The following CATSPERG variants were observed in gnomAD, a reference collection of about 807,000 sequenced individuals.
CATSPERG encodes catsper channel auxiliary subunit gamma, also known as cation channel sperm-associated auxiliary subunit gamma.
A neutral mutation model predicts 145.0 loss-of-function variants in CATSPERG; 115 were observed. The observed-to-expected ratio is 0.79, with a 90% CI of 0.68 to 0.93. CATSPERG has a LOEUF of 0.93. Ranked by LOEUF, CATSPERG falls within the 40% of genes least tolerant of loss-of-function variation. CATSPERG has a pLI of 0.00. For synonymous variants in CATSPERG, 588 were observed against 589.0 expected, an observed-to-expected ratio of 1.00 and a Z score of 0.02; for missense variants, 1,296 against 1,490.1, an observed-to-expected ratio of 0.87 and a Z score of 2.14.
intron 10 of CATSPERG, 66 bp downstream of exon 10, chr19:38,356,609 G>A: frequency 1.3e-6 from 2 of 1,596,836 alleles, no homozygotes; most frequent in South Asian, 2.2e-5. Context: ...AAGAGCAGGG[G>A]AGGGTGGCAG....
At chr19:38,369,698 T>C (rs1970513024) in intron 26 of CATSPERG, 1 of 505,112 alleles carries the variant, frequency 2.0e-6, no homozygotes, top group Admixed American at 3.3e-5. Flanking sequence ...TGGCATATGA[T>C]AGATACACAG....
chr19:38,365,436 A>G (rs1407836472), intron 22 of CATSPERG: 1 of 279,828 alleles, frequency 3.6e-6, no homozygotes, highest in Non-Finnish European at 6.9e-6. Flanking sequence ...ACGGCTGGCT[A>G]ATTTTTTGTA....
At chr19:38,337,135 T>G in intron 1 of CATSPERG, 86 bp from the exon 2 acceptor site, 1 of 1,469,584 alleles carries the variant, frequency 6.8e-7, no homozygotes, top group Non-Finnish European at 9.1e-7. Context: ...GCAAGTGCTG[T>G]GAGAGGCGCA....
At position 38,360,445 on chromosome 19, in the gene CATSPERG, C is replaced by T. The variant is rs748090959; in HGVS notation, c.1609-44C>T. ...CAGAGGGTGAGGTGGGATCAGAGGA[C>T]CCCATGGTCCTGACACACACACATC... On this transcript the variant is annotated intron_variant, in intron 14 of 28. Transcript: ENST00000409235. The T allele has an allele frequency of 9.9e-6, 16 of 1,609,506 alleles. No homozygotes were observed. The Admixed American group carries it at 2.7e-4, about 27-fold the overall frequency.
rs542731827 is a variant in CATSPERG, at chr19:38,370,487, T to C, written c.3214-39T>C. 1.9e-6 allele frequency: 3 copies of C among 1,613,200 alleles called. No individual in the cohort carries two copies. The South Asian group carries it at 3.3e-5, about 18-fold the overall frequency. On this transcript the variant is annotated intron_variant, in intron 28 of 28. Transcript: ENST00000409235. Reference sequence around the variant, plus strand: ...TGCAGATTGTGGACTGTGTACCTTATCATGTGCCAACTCCTTACTCATTCT... The same window carrying C: ...TGCAGATTGTGGACTGTGTACCTTACCATGTGCCAACTCCTTACTCATTCT...
intron 26 of CATSPERG, 150 bp downstream of exon 26, chr19:38,368,287 G>A (rs1457274778): frequency 1.5e-6 from 1 of 685,418 alleles, no homozygotes; most frequent in Non-Finnish European, 2.5e-6. Context: ...TGCACAAGCT[G>A]AAGTCTCTGC....
intron 7 of CATSPERG, among the ~76,000 whole-genome samples, chr19:38,351,607 C>CA (rs769452553): frequency 0.053 from 5,836 of 110,364 alleles, 154 homozygotes; most frequent in South Asian, 0.09. Context: ...GACTCCGCCT[C>CA]AAAAAAAAAA....
chr19:38,344,201 T>C, intron 5 of CATSPERG, 82 bp downstream of exon 5: 1 of 1,543,234 alleles, frequency 6.5e-7, no homozygotes, highest in Non-Finnish European at 8.8e-7. Flanking sequence ...CAGTGGGAGA[T>C]CCAAGGGAGA....
Position 38,358,279 on chromosome 19 carries a change from T to A in CATSPERG, c.1317T>A (p.Ala439=). 6.2e-7 allele frequency: 1 copy of A among 1,614,170 alleles called. No homozygotes were observed. The highest frequency in any genetic ancestry group is 2.2e-5 in the East Asian group (1 of 44,880). The change falls in exon 12 of 29, where the codon GCT becomes GCA. Residue 439 remains alanine, a splice_region_variant and synonymous_variant. Coordinates refer to ENST00000409235, the MANE Select transcript of CATSPERG (RefSeq NM_021185.5). The part of the protein sequence containing the change: ...KRFQVVSYNT[A]SDDLELLYHI... Reference sequence around the variant, plus strand: ...TTGCTGTGTTCTCCCCACCTGTAGCTAGTGATGACCTGGAACTTCTCTACC... The same window carrying A: ...TTGCTGTGTTCTCCCCACCTGTAGCAAGTGATGACCTGGAACTTCTCTACC...
At chr19:38,358,738 G>A (rs1970292086) in intron 13 of CATSPERG, among the ~76,000 whole-genome samples, 177 bp downstream of exon 13, 4 of 152,228 alleles carry the variant, frequency 2.6e-5, no homozygotes, top group Admixed American at 2.6e-4. Context: ...TCAGTGCTGG[G>A]ATGGGGGAAG....
rs1052375 is a variant in CATSPERG, at chr19:38,370,693, G to A, written c.3381G>A (p.Pro1127=). The A allele has an allele frequency of 0.47, 762,707 of 1,613,622 alleles. 191,108 individuals carry two copies. The highest frequency in any genetic ancestry group is 0.57 in the Middle Eastern group (3,449 of 6,062). The change falls in exon 29 of 29, where the codon CCG becomes CCA. Residue 1127 remains proline, a synonymous_variant. Coordinates refer to ENST00000409235, the MANE Select transcript of CATSPERG (RefSeq NM_021185.5). ...YASISGISSM[P]SLRHSRMGSM... ...CCATTTCCGGAATCTCGAGCATGCC[G>A]TCTCTGAGACATTCCAGGATGGGCT...
chr19:38,366,273 C>T (rs966986483), intron 22 of CATSPERG: 1 of 152,384 alleles, frequency 6.6e-6, no homozygotes, highest in Non-Finnish European at 1.5e-5. Context: ...TCCCTACCCA[C>T]TCCCTGGCAT....
intron 3 of CATSPERG, among the ~76,000 whole-genome samples, chr19:38,343,084 C>A (rs774298599): frequency 3.9e-5 from 6 of 152,246 alleles, no homozygotes; most frequent in Admixed American, 1.3e-4. Flanking sequence ...ATGGCTCACG[C>A]CTTTAATGCC....
rs779910040 is a variant in CATSPERG, at chr19:38,365,114, G to A, written c.2610G>A (p.Met870Ile). 1 of 1,613,544 alleles carries A rather than the reference G, an allele frequency of 6.2e-7. No homozygotes were observed. The highest frequency in any genetic ancestry group is 8.5e-7 in the Non-Finnish European group (1 of 1,179,994). ...AGGAAACACACCTGGGGCCCCATAT[G>A]CAAGTATTGGAGCTTGGGATACTGG... ...CFQETHLGPH[M>I]QGNLMVPVFI... The change falls in exon 22 of 29, where the codon ATG becomes ATA. Residue 870 changes from methionine to isoleucine, a missense_variant. Coordinates refer to ENST00000409235, the MANE Select transcript of CATSPERG (RefSeq NM_021185.5).
chr19:38,369,201 GA>G (rs1416020607), intron 26 of CATSPERG, among the ~76,000 whole-genome samples: 1 of 152,172 alleles, frequency 6.6e-6, no homozygotes, highest in East Asian at 1.9e-4. Context: ...ATGAGCAAAT[GA>G]AGGCAGTGAA....
At chr19:38,350,128 C>T (rs1421675452) in intron 7 of CATSPERG, among the ~76,000 whole-genome samples, 1 of 152,188 alleles carries the variant, frequency 6.6e-6, no homozygotes, top group African/African-American at 2.4e-5. Context: ...AAGCAAACTT[C>T]ACTTCCACTG....
intron 16 of CATSPERG, 28 bp downstream of exon 16, chr19:38,360,871 G>A: frequency 6.4e-7 from 1 of 1,559,262 alleles, no homozygotes; most frequent in Non-Finnish European, 8.8e-7. Context: ...CATGACAGGG[G>A]TCTGAGGGCT....
In CATSPERG at chr19:38,356,517, AGTGG is replaced by A. The variant is rs771024924; in HGVS notation, c.1170_1173del (p.Gln390HisfsTer7). 6.2e-6 allele frequency: 10 copies of A among 1,613,914 alleles called. No individual in the cohort carries two copies. Among genetic ancestry groups the A allele is most frequent in the Non-Finnish European group, 7.6e-6 (9 of 1,179,968 alleles). On this transcript the variant is annotated frameshift_variant, in exon 10 of 29. Transcript: ENST00000409235. LOFTEE classifies it high-confidence loss of function. The stretch of plus-strand genomic sequence containing the variant: ...GTGTCCTTTGAGATGCTGCCCAGGC[AGTGG>A]TCTGTGTGCGAGCAGATAGGAGGTA...
At position 38,359,506 on chromosome 19, in the gene CATSPERG, C is replaced by T. The variant is rs1477269176; in HGVS notation, c.1533C>T (p.Phe511=). Residue 511 remains phenylalanine (F), a synonymous_variant, in exon 14 of 29, where the codon TTC becomes TTT. Transcript: ENST00000409235. ...NKENFIYLAD[F]PKELSIKYMA... ...AAAACTTCATCTACCTGGCAGACTTCCCCAAGGAACTGTCCATCAAATACA... is the reference window on the plus strand; with the variant it reads ...AAAACTTCATCTACCTGGCAGACTTTCCCAAGGAACTGTCCATCAAATACA... 1.9e-6 allele frequency: 3 copies of T among 1,613,798 alleles called. No individual in the cohort carries two copies. In the East Asian group the frequency reaches 6.7e-5, roughly 36 times the overall value.
Sources: allele counts gnomAD v4.1 joint callset (sites outside exome capture counted in the v4.1 genomes callset), GRCh38; gene constraint gnomAD v4.1.1; transcripts MANE v1.5; gene names NCBI Gene and HGNC (gene_info 2026-07-23, HGNC 2026-07-21).